Variants in EPS15L1 observed in about 807,000 individuals in gnomAD.
EPS15L1 encodes epidermal growth factor receptor pathway substrate 15 like 1, also known as epidermal growth factor receptor substrate 15-like 1.
EPS15L1 carries 43 observed loss-of-function variants against 117.1 expected under a neutral mutation model. That is an observed-to-expected ratio of 0.37 (90% confidence interval 0.29 to 0.47). The LOEUF (loss-of-function observed/expected upper bound fraction) is 0.47. Ranked by LOEUF, EPS15L1 falls within the 20% of genes least tolerant of loss-of-function variation. The pLI, the probability that EPS15L1 is intolerant of heterozygous loss-of-function variation, is 0.99. For synonymous variants in EPS15L1, 459 were observed against 470.5 expected (o/e 0.98, Z 0.32); for missense variants, 981 against 1,164.0 (o/e 0.84, Z 2.29).
intron 23 of EPS15L1, chr19:16,357,972 A>T (rs2092005024): frequency 6.6e-6 from 1 of 152,290 alleles, no homozygotes; most frequent in Non-Finnish European, 1.5e-5. Context: ...CAACAGTGGG[A>T]GGGAGACAGT....
At chr19:16,443,089 T>C (rs565357668) in intron 1 of EPS15L1, among the ~76,000 whole-genome samples, 1 of 152,266 alleles carries the variant, frequency 6.6e-6, no homozygotes, top group Non-Finnish European at 1.5e-5. Context: ...GCGTTGGTGT[T>C]TTAGTAAGTG....
chr19:16,411,833 G>A (rs547089635), intron 13 of EPS15L1, among the ~76,000 whole-genome samples: 5 of 152,174 alleles, frequency 3.3e-5, no homozygotes, highest in African/African-American at 1.2e-4. Flanking sequence ...CTGAGTAACT[G>A]GGACTACAGA....
At chr19:16,436,640 G>C (rs2092981181) in intron 6 of EPS15L1, 1 of 316,904 alleles carries the variant, frequency 3.2e-6, no homozygotes, top group Non-Finnish European at 5.8e-6. Flanking sequence ...GTGACCTAAA[G>C]ATGCAAGATT....
intron 16 of EPS15L1, chr19:16,400,592 C>A (rs1287410640): frequency 1.1e-4 from 103 of 967,408 alleles, no homozygotes; most frequent in Non-Finnish European, 1.2e-4. Flanking sequence ...AAAAATCTCT[C>A]TTCCAAGTAT....
chr19:16,390,193 C>T (rs1362095604), intron 19 of EPS15L1, among the ~76,000 whole-genome samples: 1 of 151,916 alleles, frequency 6.6e-6, no homozygotes, highest in Non-Finnish European at 1.5e-5. Flanking sequence ...AATGATGTAT[C>T]ATGTAGTGAA....
At chr19:16,434,158 C>T (rs1257392760) in intron 7 of EPS15L1, among the ~76,000 whole-genome samples, 1 of 152,178 alleles carries the variant, frequency 6.6e-6, no homozygotes. Context: ...GCACCTTCCC[C>T]AGGGACTGGG....
intron 13 of EPS15L1, chr19:16,413,290 C>G: frequency 1.5e-6 from 1 of 662,478 alleles, no homozygotes; most frequent in Non-Finnish European, 2.7e-6. Context: ...ATCCCCACGC[C>G]CAGGGGCACT....
At chr19:16,374,348 C>G (rs868349448) in intron 22 of EPS15L1, among the ~76,000 whole-genome samples, 13 of 152,226 alleles carry the variant, frequency 8.5e-5, no homozygotes, top group Admixed American at 3.9e-4. Flanking sequence ...CCATCAACCA[C>G]AGCAGAACAA....
intron 16 of EPS15L1, among the ~76,000 whole-genome samples, chr19:16,400,100 G>A (rs1389645151): frequency 6.6e-6 from 1 of 152,146 alleles, no homozygotes; most frequent in Non-Finnish European, 1.5e-5. Context: ...ATTTGGGGAG[G>A]TCGAGGCGGG....
intron 1 of EPS15L1, among the ~76,000 whole-genome samples, chr19:16,464,367 C>T (rs1461092366): frequency 6.6e-6 from 1 of 152,192 alleles, no homozygotes; most frequent in African/African-American, 2.4e-5. Context: ...AAACCCAGTC[C>T]AGCGCGAAGG....
chr19:16,410,133 C>CAAAA (rs200662040), intron 13 of EPS15L1, among the ~76,000 whole-genome samples: 1 of 81,746 alleles, frequency 1.2e-5, no homozygotes, highest in African/African-American at 4.6e-5. Flanking sequence ...GACTCCGTCT[C>CAAAA]AAAAAAAAAA....
intron 1 of EPS15L1, among the ~76,000 whole-genome samples, chr19:16,446,855 C>T (rs1380598085): frequency 6.6e-6 from 1 of 152,184 alleles, no homozygotes; most frequent in Admixed American, 6.5e-5. Flanking sequence ...CCAGTGTTTT[C>T]GATGACCTGC....
At chr19:16,403,233 C>T (rs530695711) in intron 15 of EPS15L1, among the ~76,000 whole-genome samples, 1 of 152,136 alleles carries the variant, frequency 6.6e-6, no homozygotes, top group East Asian at 1.9e-4. Flanking sequence ...AGCCAGCGCC[C>T]CCCCCTGGAC....
intron 21 of EPS15L1, among the ~76,000 whole-genome samples, chr19:16,382,233 C>G (rs1284534705): frequency 6.6e-6 from 1 of 152,238 alleles, no homozygotes; most frequent in Non-Finnish European, 1.5e-5. Context: ...TGAATCAGAT[C>G]ACTCCTAGCT....
chr19:16,432,402 A>G (rs1280676796), intron 7 of EPS15L1, among the ~76,000 whole-genome samples: 2 of 152,074 alleles, frequency 1.3e-5, no homozygotes, highest in African/African-American at 4.8e-5. Flanking sequence ...CCCCATCTCT[A>G]CTAAAAATAT....
chr19:16,392,753 T>C (rs1436858690), intron 18 of EPS15L1, among the ~76,000 whole-genome samples: 1 of 152,108 alleles, frequency 6.6e-6, no homozygotes, highest in Non-Finnish European at 1.5e-5. Context: ...AAAATTGACT[T>C]TAAAAATAAT....
chr19:16,366,620 CTT>C (rs1220708563), intron 22 of EPS15L1, among the ~76,000 whole-genome samples: 1 of 152,158 alleles, frequency 6.6e-6, no homozygotes, highest in African/African-American at 2.4e-5. Context: ...CTGCTGGCCT[CTT>C]GTTTTCAGAA....
chr19:16,433,770 CTGGCCAACA>C (rs1310712928), intron 7 of EPS15L1, among the ~76,000 whole-genome samples: 3 of 152,022 alleles, frequency 2.0e-5, no homozygotes, highest in African/African-American at 7.2e-5. Flanking sequence ...TGGGACCAGC[CTGGCCAACA>C]TGGTAAAACA....
chr19:16,441,677 A>G (rs1229794480), intron 3 of EPS15L1: 2 of 415,984 alleles, frequency 4.8e-6, no homozygotes, highest in East Asian at 3.7e-5. Context: ...AGACCCCAAA[A>G]GTACTCGGGT....
Sources: allele counts gnomAD v4.1 joint callset (sites outside exome capture counted in the v4.1 genomes callset), GRCh38; gene constraint gnomAD v4.1.1; transcripts MANE v1.5; gene names NCBI Gene and HGNC (gene_info 2026-07-23, HGNC 2026-07-21).